The following B3GALT1 variants were observed in gnomAD, a reference collection of about 807,000 sequenced individuals.
The protein encoded by B3GALT1 is beta-1,3-galactosyltransferase 1, also known as UDP-Gal:betaGlcNAc beta 1,3-galactosyltransferase, polypeptide 1.
In B3GALT1, 10 loss-of-function variants were observed where a neutral mutation model predicts 23.2. The ratio of observed to expected loss-of-function variants is 0.43; its 90% CI spans 0.27 to 0.73. B3GALT1 has a LOEUF of 0.73. Among genes scored for constraint, B3GALT1 ranks in the 30% least tolerant of loss-of-function variants. The pLI, the probability that B3GALT1 is intolerant of heterozygous loss-of-function variation, is 0.21. For synonymous variants in B3GALT1, 156 were observed against 141.5 expected (o/e 1.10, Z -0.73); for missense variants, 299 against 405.4 (o/e 0.74, Z 2.25).
intron 4 of B3GALT1, among the ~76,000 whole-genome samples, 132 bp downstream of exon 4, chr2:167,818,925 G>GT (rs1452685117): frequency 6.6e-6 from 1 of 152,002 alleles, no homozygotes; most frequent in Admixed American, 6.6e-5. Flanking sequence ...AAAAGTCTAG[G>GT]TTTTTTTCTT....
chr2:167,757,866 A>G (rs1687842395), intron 3 of B3GALT1, among the ~76,000 whole-genome samples: 1 of 152,154 alleles, frequency 6.6e-6, no homozygotes, highest in African/African-American at 2.4e-5. Context: ...CAAATTCCAC[A>G]GCTCAGGACT....
At chr2:167,716,353 T>A (rs192500601) in intron 3 of B3GALT1, among the ~76,000 whole-genome samples, 13 of 152,268 alleles carry the variant, frequency 8.5e-5, no homozygotes, top group African/African-American at 2.9e-4. Flanking sequence ...TCACATCACA[T>A]ATTTTGAAGC....
intron 3 of B3GALT1, among the ~76,000 whole-genome samples, chr2:167,769,288 G>A (rs563375399): frequency 6.6e-6 from 1 of 152,224 alleles, no homozygotes; most frequent in East Asian, 1.9e-4. Flanking sequence ...TATGACTAAA[G>A]CCAAATCCTA....
At chr2:167,354,299 A>G (rs550584127) in intron 1 of B3GALT1, among the ~76,000 whole-genome samples, 1 of 151,876 alleles carries the variant, frequency 6.6e-6, no homozygotes, top group South Asian at 2.1e-4. Context: ...TCACAGTGAT[A>G]CAGCCACAAG....
chr2:167,799,011 A>C (rs1294816160), intron 3 of B3GALT1, among the ~76,000 whole-genome samples: 2 of 152,218 alleles, frequency 1.3e-5, no homozygotes, highest in Admixed American at 1.3e-4. Flanking sequence ...CTGAATGTCA[A>C]GTGAGTTTTC....
At chr2:167,557,970 A>G (rs1465901308) in intron 2 of B3GALT1, among the ~76,000 whole-genome samples, 1 of 152,224 alleles carries the variant, frequency 6.6e-6, no homozygotes, top group Non-Finnish European at 1.5e-5. Context: ...CCCACAATGC[A>G]TTTAATCACT....
chr2:167,573,615 G>T (rs1684335203), intron 2 of B3GALT1, among the ~76,000 whole-genome samples: 1 of 151,690 alleles, frequency 6.6e-6, no homozygotes, highest in African/African-American at 2.4e-5. Context: ...TTGTTGAATT[G>T]TAATTGCTGT....
At chr2:167,591,598 T>G (rs1048635978) in intron 2 of B3GALT1, among the ~76,000 whole-genome samples, 1 of 151,914 alleles carries the variant, frequency 6.6e-6, no homozygotes, top group African/African-American at 2.4e-5. Flanking sequence ...GCCTTCGGAG[T>G]AGCTGGAACT....
intron 4 of B3GALT1, among the ~76,000 whole-genome samples, chr2:167,845,007 A>G (rs935076621): frequency 1.3e-5 from 2 of 152,104 alleles, no homozygotes; most frequent in African/African-American, 2.4e-5. Context: ...ATGACTCAGC[A>G]GAGACAGCCA....
At chr2:167,852,181 C>G (rs551259436) in intron 4 of B3GALT1, among the ~76,000 whole-genome samples, 1 of 152,224 alleles carries the variant, frequency 6.6e-6, no homozygotes, top group African/African-American at 2.4e-5. Context: ...AGCACAGCAG[C>G]TATTGCAAAT....
At chr2:167,525,615 C>T (rs553499076) in intron 2 of B3GALT1, among the ~76,000 whole-genome samples, 17 of 151,578 alleles carry the variant, frequency 1.1e-4, no homozygotes, top group African/African-American at 4.1e-4. Flanking sequence ...ATTGGGAGCT[C>T]TTTCATTTTT....
intron 2 of B3GALT1, among the ~76,000 whole-genome samples, chr2:167,541,818 C>T (rs1683538075): frequency 6.6e-6 from 1 of 152,096 alleles, no homozygotes; most frequent in Admixed American, 6.6e-5. Context: ...TTTGCATTTA[C>T]ATAGCAGTTA....
intron 3 of B3GALT1, among the ~76,000 whole-genome samples, chr2:167,764,941 T>C (rs1361704414): frequency 1.3e-5 from 2 of 152,150 alleles, no homozygotes; most frequent in African/African-American, 4.8e-5. Flanking sequence ...TAGAATGAGC[T>C]CTTTCTTTAG....
chr2:167,826,743 C>T (rs1020032363), intron 4 of B3GALT1, among the ~76,000 whole-genome samples: 9 of 152,060 alleles, frequency 5.9e-5, no homozygotes, highest in African/African-American at 1.7e-4. Context: ...AAAAGAGAAA[C>T]AATAAAACAT....
At chr2:167,624,004 G>A (rs1685301866) in intron 2 of B3GALT1, among the ~76,000 whole-genome samples, 1 of 151,984 alleles carries the variant, frequency 6.6e-6, no homozygotes, top group Non-Finnish European at 1.5e-5. Context: ...AGGGTATTGG[G>A]AAGTCTTAAA....
chr2:167,416,130 G>A (rs1293404739), intron 1 of B3GALT1, among the ~76,000 whole-genome samples: 1 of 152,176 alleles, frequency 6.6e-6, no homozygotes, highest in Non-Finnish European at 1.5e-5. Context: ...AACCATCAAG[G>A]TGGTAGAAGA....
At chr2:167,352,280 GTTTTTTTT>G (rs751182725) in intron 1 of B3GALT1, among the ~76,000 whole-genome samples, 1 of 8,630 alleles carries the variant, frequency 1.2e-4, no homozygotes, top group African/African-American at 4.7e-4. Context: ...TTTTTTTTTT[GTTTTTTTT>G]TTTTTAAGTC....
chr2:167,538,481 A>G (rs1212180153), intron 2 of B3GALT1, among the ~76,000 whole-genome samples: 2 of 152,214 alleles, frequency 1.3e-5, no homozygotes, highest in Non-Finnish European at 2.9e-5. Flanking sequence ...GTGAGGACAC[A>G]TTAAGGGTGT....
At chr2:167,569,871 G>T (rs2105399192) in intron 2 of B3GALT1, among the ~76,000 whole-genome samples, 1 of 151,942 alleles carries the variant, frequency 6.6e-6, no homozygotes, top group Admixed American at 6.6e-5. Context: ...TATCATGAAT[G>T]GGTGTTGAAT....
Sources: allele counts gnomAD v4.1 joint callset (sites outside exome capture counted in the v4.1 genomes callset), GRCh38; gene constraint gnomAD v4.1.1; transcripts MANE v1.5; gene names NCBI Gene and HGNC (gene_info 2026-07-23, HGNC 2026-07-21).